Variants in CA10 observed in about 807,000 individuals in gnomAD.
The protein encoded by CA10 is carbonic anhydrase 10 (inactive).
A neutral mutation model predicts 44.2 loss-of-function variants in CA10; 14 were observed. That is an observed-to-expected ratio of 0.32 (90% CI 0.21 to 0.50). CA10 has a LOEUF of 0.50. Ranked by LOEUF, CA10 falls within the 20% of genes least tolerant of loss-of-function variation. The pLI, the probability that CA10 is intolerant of heterozygous loss-of-function variation, is 0.99. For missense variants in CA10, 350 were observed against 409.7 expected (o/e 0.85, Z 1.26); for synonymous variants, 159 against 141.6 (o/e 1.12, Z -0.87).
intron 3 of CA10, among the ~76,000 whole-genome samples, chr17:51,806,517 CAAAT>C (rs796638117): frequency 2.6e-5 from 4 of 152,212 alleles, no homozygotes; most frequent in East Asian, 1.9e-4. Context: ...ATACAATAAA[CAAAT>C]AAAAATGAGA....
chr17:52,058,103 T>C (rs1987279742), intron 2 of CA10, among the ~76,000 whole-genome samples: 1 of 152,124 alleles, frequency 6.6e-6, no homozygotes, highest in South Asian at 2.1e-4. Context: ...CAGGTTTATA[T>C]ACACTTACAT....
chr17:51,792,191 A>G (rs1471202105), intron 3 of CA10, among the ~76,000 whole-genome samples: 7 of 152,254 alleles, frequency 4.6e-5, no homozygotes, highest in Non-Finnish European at 7.3e-5. Flanking sequence ...AAACAGGCAT[A>G]CAGAGGCTAA....
chr17:51,713,204 A>G (rs1425283086), intron 4 of CA10, among the ~76,000 whole-genome samples: 1 of 152,212 alleles, frequency 6.6e-6, no homozygotes, highest in Non-Finnish European at 1.5e-5. Flanking sequence ...GATCTTACAC[A>G]TGCACTGAAT....
chr17:52,084,276 C>G (rs1308201255), intron 1 of CA10, among the ~76,000 whole-genome samples: 1 of 152,172 alleles, frequency 6.6e-6, no homozygotes, highest in Non-Finnish European at 1.5e-5. Context: ...AAGCCACATG[C>G]AAACCATAGG....
intron 4 of CA10, among the ~76,000 whole-genome samples, chr17:51,703,419 T>A (rs867018147): frequency 2.0e-5 from 3 of 152,276 alleles, no homozygotes; most frequent in Middle Eastern, 3.4e-3. Context: ...GTCTGTGTAT[T>A]GGCCCTGGGG....
chr17:52,047,407 G>A (rs1986942096), intron 2 of CA10, among the ~76,000 whole-genome samples: 1 of 151,918 alleles, frequency 6.6e-6, no homozygotes, highest in Non-Finnish European at 1.5e-5. Context: ...TCACAAAATT[G>A]TAAATTTGAA....
At position 51,678,981 on chromosome 17, in the gene CA10, A is replaced by G. The variant is rs115400638; in HGVS notation, c.466-25245T>C. On this transcript the variant is annotated intron_variant, in intron 4 of 8. Transcript: ENST00000451037. ...AAGGACAAGGATTGACTGTAGACTT[A>G]AGCTTTCTCCGTTCATTCATTCCTT... Among the ~76,000 whole-genome samples, 341 of 152,338 alleles carry G rather than the reference A, an allele frequency of 2.2e-3. 1 individual carries two copies. Among genetic ancestry groups the G allele is most frequent in the African/African-American group, 7.8e-3 (325 of 41,588 alleles).
At chr17:51,697,666 C>T (rs1221211114) in intron 4 of CA10, among the ~76,000 whole-genome samples, 2 of 152,186 alleles carry the variant, frequency 1.3e-5, no homozygotes, top group African/African-American at 4.8e-5. Context: ...CCAGGGTCTT[C>T]GTGTTTTACA....
chr17:51,682,079 C>T (rs1003754690), intron 4 of CA10, among the ~76,000 whole-genome samples: 14 of 152,198 alleles, frequency 9.2e-5, no homozygotes, highest in African/African-American at 3.4e-4. Flanking sequence ...GCACTGCATT[C>T]GATCCTGGGG....
chr17:51,747,889 C>T, intron 3 of CA10, 71 bp from the exon 4 acceptor site: 1 of 1,176,934 alleles, frequency 8.5e-7, no homozygotes, highest in Non-Finnish European at 1.2e-6. Flanking sequence ...CAGCATGGTG[C>T]TTGGATCAAC....
intron 1 of CA10, among the ~76,000 whole-genome samples, chr17:52,138,412 A>G (rs1051412943): frequency 7.2e-5 from 11 of 152,188 alleles, no homozygotes; most frequent in Admixed American, 2.0e-4. Context: ...TAGAATTAGG[A>G]CACAAACATC....
chr17:51,818,444 T>C (rs899603599), intron 3 of CA10, among the ~76,000 whole-genome samples: 1 of 152,190 alleles, frequency 6.6e-6, no homozygotes, highest in Non-Finnish European at 1.5e-5. Context: ...AACGCTGGCA[T>C]TACATCTTTC....
intron 3 of CA10, among the ~76,000 whole-genome samples, chr17:51,815,166 A>G (rs574112448): frequency 7.4e-4 from 112 of 152,052 alleles, no homozygotes; most frequent in Non-Finnish European, 1.5e-3. Context: ...CTGTCACCCC[A>G]GGTGGGTGCT....
intron 3 of CA10, among the ~76,000 whole-genome samples, chr17:51,806,007 A>G (rs1190238221): frequency 1.3e-5 from 2 of 152,188 alleles, no homozygotes; most frequent in African/African-American, 4.8e-5. Flanking sequence ...GAGGAAGGAA[A>G]GAGCTTGGCC....
intron 3 of CA10, among the ~76,000 whole-genome samples, chr17:51,800,597 A>C (rs1906889923): frequency 6.6e-6 from 1 of 152,218 alleles, no homozygotes; most frequent in African/African-American, 2.4e-5. Context: ...ATACTTCATA[A>C]AATCTATGAT....
intron 2 of CA10, among the ~76,000 whole-genome samples, chr17:51,995,278 G>A (rs938701328): frequency 6.6e-6 from 1 of 151,832 alleles, no homozygotes; most frequent in Non-Finnish European, 1.5e-5. Context: ...CCCAGCATTT[G>A]GATTATTAGA....
chr17:52,047,933 G>C (rs1433772652), intron 2 of CA10, among the ~76,000 whole-genome samples: 1 of 151,006 alleles, frequency 6.6e-6, no homozygotes, highest in East Asian at 2.0e-4. Context: ...TAAAATAAAA[G>C]CCTGAAAAAG....
Position 52,157,256 on chromosome 17 carries a change from T to C in CA10, c.61+470A>G, listed in dbSNP as rs546238260. 1.3e-3 allele frequency among the ~76,000 whole-genome samples: 205 copies of C among 152,298 alleles called. 1 individual carries two copies. The highest frequency in any genetic ancestry group is 4.8e-3 in the African/African-American group (199 of 41,564). ...GCATGGAGGACATATCTCTGATCCC[T>C]GCTGGTACTCTCCAGTCCCGCATCC... On this transcript the variant is annotated intron_variant, in intron 1 of 8. Coordinates refer to ENST00000451037, the MANE Select transcript of CA10 (RefSeq NM_020178.5).
At chr17:51,877,525 T>G (rs1980131957) in intron 3 of CA10, among the ~76,000 whole-genome samples, 1 of 152,180 alleles carries the variant, frequency 6.6e-6, no homozygotes, top group Non-Finnish European at 1.5e-5. Context: ...CAGCTTTTAC[T>G]CTCTGTAATG....
Sources: allele counts gnomAD v4.1 joint callset (sites outside exome capture counted in the v4.1 genomes callset), GRCh38; gene constraint gnomAD v4.1.1; transcripts MANE v1.5; gene names NCBI Gene and HGNC (gene_info 2026-07-23, HGNC 2026-07-21).